GAK: variants seen among roughly 807,000 people sequenced by gnomAD.
GAK encodes the protein cyclin-G-associated kinase.
A neutral mutation model predicts 143.9 loss-of-function variants in GAK; 79 were observed. The ratio of observed to expected loss-of-function variants is 0.55; its 90% CI spans 0.46 to 0.66. The LOEUF (loss-of-function observed/expected upper bound fraction) is 0.66. Ranked by LOEUF, GAK falls within the 30% of genes least tolerant of loss-of-function variation. GAK has a pLI of 0.00. For synonymous variants in GAK, 881 were observed against 765.5 expected (o/e 1.15, Z -2.49); for missense variants, 1,693 against 1,779.7 (o/e 0.95, Z 0.88).
chr4:892,789 C>T (rs1717927827), intron 9 of GAK, among the ~76,000 whole-genome samples: 1 of 152,232 alleles, frequency 6.6e-6, no homozygotes, highest in African/African-American at 2.4e-5. Flanking sequence ...AACAAAGACA[C>T]AGGAGCAATT....
intron 1 of GAK, among the ~76,000 whole-genome samples, chr4:916,875 C>A (rs576488662): frequency 6.6e-6 from 1 of 152,138 alleles, no homozygotes; most frequent in Non-Finnish European, 1.5e-5. Context: ...GGCACATGTG[C>A]GTAAAGAGAC....
At position 876,690 on chromosome 4, in the gene GAK, C is replaced by T. The variant is rs996422503; in HGVS notation, c.1975-81G>A. On this transcript the variant is annotated intron_variant, in intron 17 of 27. Coordinates refer to ENST00000314167, the MANE Select transcript of GAK (RefSeq NM_005255.4). ...CCACAGGCCAATTTTTCCCAATGGG[C>T]GAGATCTGAGAGCGGCTCATGGTGC... 2.7e-5 allele frequency: 33 copies of T among 1,244,664 alleles called. No homozygotes were observed. The Admixed American group carries it at 3.9e-4, about 15-fold the overall frequency. The allele number at this position is 1,244,664 out of a possible 1,614,324, so 77.1% of individuals were successfully genotyped here.
chr4:875,415 G>T (rs905555947), intron 18 of GAK, among the ~76,000 whole-genome samples: 4 of 152,262 alleles, frequency 2.6e-5, no homozygotes, highest in Non-Finnish European at 5.9e-5. Context: ...GGCCGTCCCT[G>T]ACAGCAGCAG....
intron 18 of GAK, chr4:872,695 C>G (rs942512034): frequency 6.6e-6 from 1 of 152,608 alleles, no homozygotes; most frequent in African/African-American, 2.4e-5. Context: ...CCTCCCCCAG[C>G]TGCCCCTTGA....
intron 23 of GAK, 71 bp downstream of exon 23, chr4:865,051 C>T (rs1447342170): frequency 7.1e-6 from 11 of 1,558,716 alleles, no homozygotes; most frequent in East Asian, 2.3e-5. Context: ...GTTACAGGTA[C>T]GTGTGAAATA....
Position 851,769 on chromosome 4 carries a change from CCCCCGCTCCTCCCGCG to C in GAK, c.3473_3488del (p.Ala1158GlyfsTer42). ...ACTCACCAAAGCTGGGTGCGCGGACCCCCCGCTCCTCCCGCGCCCCGATCACACTGAAGTTCGAGGC... is the reference window on the plus strand; with the variant it reads ...ACTCACCAAAGCTGGGTGCGCGGACCCCCCGATCACACTGAAGTTCGAGGC... On this transcript the variant is annotated frameshift_variant, in exon 25 of 28. Transcript: ENST00000314167. LOFTEE classifies it high-confidence loss of function. 6.2e-7 allele frequency: 1 copy of C among 1,613,326 alleles called. No homozygotes were observed.
At chr4:918,890 C>T (rs7656834) in intron 1 of GAK, among the ~76,000 whole-genome samples, 5,974 of 48,214 alleles carry the variant, frequency 0.12, 144 homozygotes, top group Middle Eastern at 0.23. Context: ...AAGGCCTCAG[C>T]GCCCCATGAC....
chr4:874,370 T>G (rs1713378222), intron 18 of GAK, among the ~76,000 whole-genome samples: 1 of 152,222 alleles, frequency 6.6e-6, no homozygotes, highest in African/African-American at 2.4e-5. Flanking sequence ...TTTGCAGGCT[T>G]GCCTTGGATA....
intron 11 of GAK, chr4:884,526 G>GAC (rs749399672): frequency 9.1e-4 from 151 of 165,256 alleles, no homozygotes; most frequent in Admixed American, 2.0e-3. Flanking sequence ...GTAGCAGTGC[G>GAC]ACTCCAGCAG....
At position 898,087 on chromosome 4, in the gene GAK, C is replaced by T. The variant is rs141049049; in HGVS notation, c.597G>A (p.Ser199=). The T allele has an allele frequency of 3.2e-5, 51 of 1,614,150 alleles. No homozygotes were observed. In the African/African-American group the frequency reaches 3.5e-4, roughly 11 times the overall value. The change falls in exon 6 of 28, where the codon TCG becomes TCA. Residue 199 remains serine (S), a synonymous_variant. Transcript: ENST00000314167. ...CGCTCCAGCTGTAGTCAGGGTAGTG[C>T]GAGATGGTCGTGGCACTGCCAAAGT... ...LCDFGSATTI[S]HYPDYSWSAQ...
At chr4:905,380 C>T (rs73209867) in intron 4 of GAK, among the ~76,000 whole-genome samples, 31,621 of 152,200 alleles carry the variant, frequency 0.21, 4,150 homozygotes, top group Non-Finnish European at 0.3. Flanking sequence ...ACATCATCAC[C>T]GTGGAGCAAT....
intron 13 of GAK, 118 bp from the exon 14 acceptor site, chr4:882,937 G>A: frequency 1.5e-6 from 2 of 1,322,372 alleles, no homozygotes; most frequent in Non-Finnish European, 2.1e-6. Context: ...GTCATGAACA[G>A]GCGTCCACCT....
chr4:905,318 G>A (rs1720858225), intron 4 of GAK, among the ~76,000 whole-genome samples: 1 of 152,182 alleles, frequency 6.6e-6, no homozygotes, highest in Admixed American at 6.5e-5. Flanking sequence ...TGTCCAGTTT[G>A]TTCAAAATGC....
intron 18 of GAK, among the ~76,000 whole-genome samples, chr4:873,176 A>C (rs1376730540): frequency 2.0e-5 from 3 of 152,216 alleles, no homozygotes; most frequent in Admixed American, 1.3e-4. Flanking sequence ...TATGCATTTG[A>C]AGTTACACAT....
intron 24 of GAK, among the ~76,000 whole-genome samples, chr4:856,576 CTGCTCACCACCACAGG>C (rs1282014155): frequency 2.7e-5 from 4 of 147,412 alleles, no homozygotes; most frequent in African/African-American, 7.4e-5. Context: ...CTCACCACAG[CTGCTCACCACCACAGG>C]TGCTCACAGC....
rs1046538490 is a variant in GAK, at chr4:861,542, G to C, written c.3167-1820C>G. Among the ~76,000 whole-genome samples the C allele has an allele frequency of 1.6e-4, 24 of 152,320 alleles. 5 individuals carry two copies. The highest frequency in any genetic ancestry group is 1.9e-4 in the East Asian group (1 of 5,190). On this transcript the variant is annotated intron_variant, in intron 23 of 27. Coordinates refer to ENST00000314167, the MANE Select transcript of GAK (RefSeq NM_005255.4). Reference sequence around the variant, plus strand: ...GGAGGTTGAGGCTGCAGTGAGCCATGATCGTGCCACTGCACTCCAGCCACA... The same window carrying C: ...GGAGGTTGAGGCTGCAGTGAGCCATCATCGTGCCACTGCACTCCAGCCACA...
At chr4:849,869 G>A (rs774819316) in intron 27 of GAK, 23 bp downstream of exon 27, 66 of 1,520,632 alleles carry the variant, frequency 4.3e-5, no homozygotes, top group African/African-American at 1.8e-4. Context: ...GGCCTCAAGC[G>A]GCCGCCTGGC....
chr4:867,323 C>T lies in GAK; in HGVS notation c.2505G>A (p.Pro835=), dbSNP rs368421826. 2.8e-5 allele frequency: 45 copies of T among 1,610,712 alleles called. No homozygotes were observed. The highest frequency in any genetic ancestry group is 4.0e-5 in the African/African-American group (3 of 75,012). ...TGGGTTCCTGGCCCTCGCTGGAGAT[C>T]GGGGATCCCCCTTCATCTGACACCT... ...ESEVSDEGGS[P]ISSEGQEPRA... Residue 835 remains proline (P), a synonymous_variant, in exon 21 of 28, where the codon CCG becomes CCA. Transcript: ENST00000314167.
At position 877,126 on chromosome 4, in the gene GAK, G is replaced by A. The variant is rs41333249; in HGVS notation, c.1938C>T (p.His646=). Residue 646 remains histidine (H), a synonymous_variant, in exon 17 of 28, where the codon CAC becomes CAT. Transcript: ENST00000314167. ...VQGDVLIVIY[H]ARSTLGGRLQ... ...GCCGGCCGCCCAGAGTGGACCGGGCGTGATAGATGACGATGAGCACGTCTC... is the reference window on the plus strand; with the variant it reads ...GCCGGCCGCCCAGAGTGGACCGGGCATGATAGATGACGATGAGCACGTCTC... The A allele has an allele frequency of 2.6e-4, 413 of 1,613,872 alleles. 1 individual carries two copies. In the African/African-American group the frequency reaches 3.7e-3, roughly 14 times the overall value.
Sources: allele counts gnomAD v4.1 joint callset (sites outside exome capture counted in the v4.1 genomes callset), GRCh38; gene constraint gnomAD v4.1.1; transcripts MANE v1.5; gene names NCBI Gene and HGNC (gene_info 2026-07-23, HGNC 2026-07-21).